PPOX: variants seen among roughly 807,000 people sequenced by gnomAD.
PPOX encodes the protein protoporphyrinogen oxidase.
A neutral mutation model predicts 54.1 loss-of-function variants in PPOX; 23 were observed. The observed-to-expected ratio is 0.43, with a 90% CI of 0.31 to 0.60. The LOEUF is 0.60. Ranked by LOEUF, PPOX falls within the 20% of genes least tolerant of loss-of-function variation. PPOX has a pLI of 0.13. For synonymous variants in PPOX, 224 were observed against 236.1 expected, an observed-to-expected ratio of 0.95 and a Z score of 0.47; for missense variants, 512 against 601.1, an observed-to-expected ratio of 0.85 and a Z score of 1.55.
downstream of PPOX, chr1:161,173,617 T>C: frequency 6.2e-7 from 1 of 1,614,028 alleles, no homozygotes; most frequent in East Asian, 2.2e-5. Flanking sequence ...GGTAGCAATG[T>C]CGTCATCCTC....
At chr1:161,177,084 G>A (rs1195780709), downstream of PPOX, 5 of 1,533,002 alleles carry the variant, frequency 3.3e-6, no homozygotes, top group South Asian at 1.2e-5. Flanking sequence ...CTCTTCTAGC[G>A]GGGGTGGGGA....
chr1:161,170,293 C>G, intron 9 of PPOX, 116 bp from the exon 10 acceptor site: 1 of 953,820 alleles, frequency 1.0e-6, no homozygotes. Flanking sequence ...CCATTACACT[C>G]CAGCCTGGGT....
chr1:161,174,957 G>T, downstream of PPOX: 3 of 1,599,114 alleles, frequency 1.9e-6, no homozygotes, highest in Non-Finnish European at 2.6e-6. Flanking sequence ...TTCCTTAGAA[G>T]AAAGTCAGTC....
Position 161,170,160 on chromosome 1 carries a change from A to G in PPOX, c.987+136A>G, listed in dbSNP as rs184024304. ...GCCAACATGGTGAAACCCCATCTCT[A>G]CGAAAAATACAAAAATTAGCCAGGT... On this transcript the variant is annotated intron_variant, in intron 9 of 12. Coordinates refer to ENST00000367999, the MANE Select transcript of PPOX (RefSeq NM_001122764.3). 4.6e-4 allele frequency: 535 copies of G among 1,151,624 alleles called. 3 individuals are homozygous for G. The highest frequency in any genetic ancestry group is 6.4e-5 in the Non-Finnish European group (51 of 801,622). 71.3% of individuals were successfully genotyped at this position (1,151,624 alleles called of 1,614,324 possible).
At chr1:161,177,096 G>A (rs1663854246), downstream of PPOX, 6 of 1,529,138 alleles carry the variant, frequency 3.9e-6, no homozygotes, top group African/African-American at 1.4e-5. Context: ...GGGTGGGGAG[G>A]AGGGTTACTG....
At chr1:161,167,608 A>AGGAT (rs1236142387) in intron 4 of PPOX, 122 bp downstream of exon 4, 3 of 1,262,124 alleles carry the variant, frequency 2.4e-6, no homozygotes, top group Non-Finnish European at 3.1e-6. Context: ...GCTCTCGCCC[A>AGGAT]GGATGGAGTG....
At chr1:161,169,350 C>A in intron 7 of PPOX, 167 bp downstream of exon 7, 1 of 816,382 alleles carries the variant, frequency 1.2e-6, no homozygotes. Context: ...TGTGAACCTT[C>A]CTCAAAGAGC....
In PPOX at chr1:161,176,937, CTTCTA is replaced by C; in HGVS notation, c.466_470del (p.Ile156SerfsTer14). 6.5e-7 allele frequency: 1 copy of C among 1,535,862 alleles called. No individual in the cohort carries two copies. ...CCAGGGCGAAGTAGGAAACAGGCTC[CTTCTA>C]TTCTTCATGTGCCTGGGTGCCAACT... On this transcript the variant is annotated frameshift_variant, in exon 5 of 5. Transcript: ENST00000497522. LOFTEE classifies it low-confidence loss of function (END_TRUNC).
At chr1:161,173,757 G>A (rs1295707787), downstream of PPOX, 11 of 1,613,798 alleles carry the variant, frequency 6.8e-6, no homozygotes, top group East Asian at 6.7e-5. Context: ...TGCATACCCC[G>A]AGTCTTCTGG....
chr1:161,175,834 T>G (rs1332600033), downstream of PPOX: 14 of 1,613,988 alleles, frequency 8.7e-6, no homozygotes, highest in East Asian at 3.1e-4. Context: ...TTCTGGACAG[T>G]AGGGCAGACC....
chr1:161,176,770 C>CA (rs1663691857), intron 4 of PPOX: 2 of 1,265,214 alleles, frequency 1.6e-6, no homozygotes, highest in Admixed American at 4.1e-5. Flanking sequence ...CATACTTAAC[C>CA]ACCCCCGTAC....
Position 161,170,449 on chromosome 1 carries a change from T to C in PPOX, c.1028T>C (p.Val343Ala). ...GTGCCATCTTCAGAAGATCCAGGAG[T>C]CCTGGGAATCGTGTATGACTCAGTT... ...HLVPSSEDPGVLGIVYDSVAF... is the reference protein window; with the variant it reads ...HLVPSSEDPGALGIVYDSVAF... The change falls in exon 10 of 13, where the codon GTC becomes GCC. Residue 343 changes from valine (V) to alanine (A), a missense_variant. Val to Ala is a moderately conservative substitution (Grantham distance 64). Transcript: ENST00000367999. The C allele has an allele frequency of 1.9e-6, 3 of 1,613,670 alleles. No individual in the cohort carries two copies. Among genetic ancestry groups the C allele is most frequent in the African/African-American group, 2.7e-5 (2 of 74,828 alleles).
downstream of PPOX, chr1:161,171,614 A>C: frequency 1.5e-6 from 1 of 671,682 alleles, no homozygotes; most frequent in Non-Finnish European, 2.5e-6. Context: ...CATAAGCCCT[A>C]CAGGAGACCC....
Position 161,170,639 on chromosome 1 carries a change from GGT to G in PPOX, c.1119_1120del (p.Trp373CysfsTer7). On this transcript the variant is annotated frameshift_variant, in exon 11 of 13. Transcript: ENST00000367999. LOFTEE classifies it high-confidence loss of function. ...CCTTAGGTGATGCTGGGAGGTTCCT[GGT>G]TACAGACACTGGAGGCTAGTGGCTG... is the stretch of plus-strand genomic sequence containing the variant. 1 of 1,614,182 alleles carries G rather than the reference GGT, an allele frequency of 6.2e-7. No individual in the cohort carries two copies.
chr1:161,175,971 G>A, downstream of PPOX: 1 of 1,614,094 alleles, frequency 6.2e-7, no homozygotes, highest in Non-Finnish European at 8.5e-7. Flanking sequence ...GACTTCGGAA[G>A]CCCCCCAGTG....
At chr1:161,171,547 A>T (rs1232755365), downstream of PPOX, 7 of 587,188 alleles carry the variant, frequency 1.2e-5, no homozygotes, top group East Asian at 2.1e-4. Context: ...CTCCTACTCT[A>T]GGGGCAGGGA....
At chr1:161,172,587 A>G (rs944404909), downstream of PPOX, among the ~76,000 whole-genome samples, 3 of 152,104 alleles carry the variant, frequency 2.0e-5, no homozygotes, top group Non-Finnish European at 4.4e-5. Context: ...TTGGCTTCCT[A>G]AAGGGCTCCT....
At chr1:161,168,708 A>T (rs927879274) in intron 6 of PPOX, 132 bp downstream of exon 6, 18 of 1,264,330 alleles carry the variant, frequency 1.4e-5, no homozygotes, top group Non-Finnish European at 1.9e-5. Context: ...CCTAGGCTGG[A>T]GTGCAGTGGT....
At chr1:161,165,856 G>A (rs1658734253), upstream of PPOX, 1 of 173,830 alleles carries the variant, frequency 5.8e-6, no homozygotes, top group Non-Finnish European at 1.2e-5. Flanking sequence ...TTCGGGGATG[G>A]TGCTGGACCC....
Sources: gnomAD v4.1 joint callset for allele counts (sites outside exome capture counted in the v4.1 genomes callset) on GRCh38, gnomAD v4.1.1 for gene constraint, MANE v1.5 for transcripts, NCBI Gene and HGNC (gene_info 2026-07-23, HGNC 2026-07-21) for gene names.